Variants in PARP8 observed in about 807,000 individuals in gnomAD.
The protein encoded by PARP8 is poly(ADP-ribose) polymerase family member 8.
A neutral mutation model predicts 124.1 loss-of-function variants in PARP8; 51 were observed. That is an observed-to-expected ratio of 0.41 (90% CI 0.33 to 0.52). The LOEUF (loss-of-function observed/expected upper bound fraction) is 0.52. PARP8 is among the 20% of genes least tolerant of loss of function. The pLI, the probability that PARP8 is intolerant of heterozygous loss-of-function variation, is 0.21. For missense variants in PARP8, 860 were observed against 1,018.9 expected (o/e 0.84, Z 2.12); for synonymous variants, 391 against 361.5 (o/e 1.08, Z -0.93).
intron 2 of PARP8, among the ~76,000 whole-genome samples, chr5:50,719,819 C>G (rs1484149003): frequency 6.6e-6 from 1 of 151,932 alleles, no homozygotes. Context: ...CACAGCTTCT[C>G]CAGAGAAAGA....
intron 10 of PARP8, among the ~76,000 whole-genome samples, chr5:50,789,431 C>T (rs916529585): frequency 1.3e-5 from 2 of 152,260 alleles, no homozygotes; most frequent in African/African-American, 4.8e-5. Context: ...ACCCACTGGC[C>T]TGTGTTTTGG....
intron 14 of PARP8, among the ~76,000 whole-genome samples, chr5:50,799,058 CAA>C (rs1372350656): frequency 1.3e-5 from 2 of 152,128 alleles, no homozygotes; most frequent in East Asian, 3.9e-4. Flanking sequence ...TTGACACACA[CAA>C]GTTTTTAATT....
intron 2 of PARP8, among the ~76,000 whole-genome samples, chr5:50,706,841 C>T (rs73101011): frequency 2.4e-4 from 37 of 152,072 alleles, no homozygotes; most frequent in Admixed American, 5.2e-4. Context: ...TACCAGAGTG[C>T]TTTTACTTAA....
intron 21 of PARP8, among the ~76,000 whole-genome samples, chr5:50,829,543 A>G (rs887745324): frequency 1.3e-5 from 2 of 152,178 alleles, no homozygotes; most frequent in African/African-American, 4.8e-5. Flanking sequence ...CTTTGTTTAT[A>G]CACTAACATA....
At chr5:50,801,912 A>C (rs1368800641) in intron 14 of PARP8, among the ~76,000 whole-genome samples, 3 of 152,050 alleles carry the variant, frequency 2.0e-5, no homozygotes, top group Non-Finnish European at 4.4e-5. Context: ...ATTTTGTCTG[A>C]TTAGTGTAAC....
At chr5:50,840,742 A>G (rs1293303561) in intron 25 of PARP8, among the ~76,000 whole-genome samples, 1 of 151,874 alleles carries the variant, frequency 6.6e-6, no homozygotes, top group East Asian at 1.9e-4. Flanking sequence ...AGGATGCAAT[A>G]AAAGTCATGG....
chr5:50,805,275 G>A (rs1743699989), intron 14 of PARP8, among the ~76,000 whole-genome samples: 1 of 152,010 alleles, frequency 6.6e-6, no homozygotes, highest in Non-Finnish European at 1.5e-5. Flanking sequence ...TAATGATTGA[G>A]CTAATATCTA....
At chr5:50,829,225 C>G (rs1006828153) in intron 21 of PARP8, among the ~76,000 whole-genome samples, 6 of 152,134 alleles carry the variant, frequency 3.9e-5, no homozygotes, top group African/African-American at 1.4e-4. Flanking sequence ...TTTCACTTCA[C>G]TCTCCTGCAG....
At position 50,795,012 on chromosome 5, in the gene PARP8, C is replaced by T. The variant is rs1187087067; in HGVS notation, c.1023C>T (p.Gly341=). 1.9e-6 allele frequency: 3 copies of T among 1,614,212 alleles called. No homozygotes were observed. The South Asian group carries it at 3.3e-5, about 18-fold the overall frequency. Residue 341 remains glycine, a synonymous_variant, in exon 12 of 26, where the codon GGC becomes GGT. Transcript: ENST00000281631. ...TCACAAAGTCACACAGGACCTTTGG[C>T]CGCTCCTTGTCCAGCGATCCCAGGG... is the stretch of plus-strand genomic sequence containing the variant. ...VCVTKSHRTF[G]RSLSSDPRAE...
chr5:50,761,056 G>T (rs1169182052), intron 5 of PARP8, among the ~76,000 whole-genome samples: 1 of 152,000 alleles, frequency 6.6e-6, no homozygotes, highest in Non-Finnish European at 1.5e-5. Flanking sequence ...ATTTCCTTTT[G>T]CATATTTTTT....
intron 14 of PARP8, among the ~76,000 whole-genome samples, chr5:50,806,272 A>G (rs1210822100): frequency 6.6e-6 from 1 of 152,048 alleles, no homozygotes; most frequent in Non-Finnish European, 1.5e-5. Flanking sequence ...GAATGGCACC[A>G]GGCAGAGGTT....
chr5:50,805,307 AG>A, intron 14 of PARP8, among the ~76,000 whole-genome samples: 1 of 152,048 alleles, frequency 6.6e-6, no homozygotes, highest in East Asian at 1.9e-4. Flanking sequence ...AGAAGAAAGG[AG>A]GTTATTGAGG....
chr5:50,763,395 T>C, intron 7 of PARP8, 153 bp downstream of exon 7: 2 of 575,602 alleles, frequency 3.5e-6, no homozygotes, highest in Admixed American at 3.0e-5. Flanking sequence ...CAAAATGACA[T>C]ATTTATGGCT....
chr5:50,817,270 T>G (rs538992126), intron 15 of PARP8, among the ~76,000 whole-genome samples: 30 of 152,226 alleles, frequency 2.0e-4, no homozygotes, highest in Non-Finnish European at 3.7e-4. Context: ...GCACAAGTAT[T>G]TGATCAGCTC....
intron 2 of PARP8, among the ~76,000 whole-genome samples, chr5:50,681,208 AAT>A (rs1199161351): frequency 6.6e-6 from 1 of 152,174 alleles, no homozygotes; most frequent in East Asian, 1.9e-4. Context: ...ATGAATCTTA[AAT>A]ATCTCTTGTT....
intron 17 of PARP8, among the ~76,000 whole-genome samples, chr5:50,824,033 T>G (rs1746064067): frequency 6.6e-6 from 1 of 152,244 alleles, no homozygotes; most frequent in African/African-American, 2.4e-5. Context: ...TGTGCTGTTT[T>G]CTAGAATGTA....
chr5:50,792,334 T>C lies in PARP8; in HGVS notation c.738-1873T>C, dbSNP rs187162013. Among the ~76,000 whole-genome samples, 3 of 152,278 alleles carry C rather than the reference T, an allele frequency of 2.0e-5. No individual in the cohort carries two copies. The East Asian group carries it at 5.8e-4, about 29-fold the overall frequency. Reference sequence around the variant, plus strand: ...CTGAAATTAAACACAACATTGAATGTCTTTTAGAAAACAATTTCTTTTGCA... The same window carrying C: ...CTGAAATTAAACACAACATTGAATGCCTTTTAGAAAACAATTTCTTTTGCA... On this transcript the variant is annotated intron_variant, in intron 10 of 25. Transcript: ENST00000281631.
chr5:50,737,160 C>G (rs376966810), intron 2 of PARP8, among the ~76,000 whole-genome samples: 1 of 152,242 alleles, frequency 6.6e-6, no homozygotes, highest in Admixed American at 6.5e-5. Context: ...ATCTGTAAGT[C>G]TGGGAACCTA....
At chr5:50,794,741 A>G (rs1197635918) in intron 11 of PARP8, 112 bp from the exon 12 acceptor site, 2 of 959,258 alleles carry the variant, frequency 2.1e-6, no homozygotes, top group African/African-American at 3.3e-5. Context: ...GCTATATTAA[A>G]ATGAGGTGGT....
Sources: allele counts gnomAD v4.1 joint callset (sites outside exome capture counted in the v4.1 genomes callset), GRCh38; gene constraint gnomAD v4.1.1; transcripts MANE v1.5; gene names NCBI Gene and HGNC (gene_info 2026-07-23, HGNC 2026-07-21).